The following TBC1D5 variants were observed in gnomAD, a reference collection of about 807,000 sequenced individuals.
TBC1D5 encodes TBC1 domain family member 5.
Under a neutral mutation model 100.3 loss-of-function variants are expected in TBC1D5, and 75 were observed. The observed-to-expected ratio is 0.75, with a 90% CI of 0.62 to 0.91. The LOEUF is 0.91. Ranked by LOEUF, TBC1D5 falls within the 40% of genes least tolerant of loss-of-function variation. The pLI is 0.00. For synonymous variants in TBC1D5, 323 were observed against 325.6 expected, an observed-to-expected ratio of 0.99 and a Z score of 0.09; for missense variants, 910 against 942.4, an observed-to-expected ratio of 0.97 and a Z score of 0.45.
chr3:17,591,863 A>G (rs1017203557), intron 2 of TBC1D5, among the ~76,000 whole-genome samples: 2 of 152,264 alleles, frequency 1.3e-5, no homozygotes, highest in African/African-American at 4.8e-5. Context: ...TACTGCCATC[A>G]TCAAGGACTT....
intron 18 of TBC1D5, among the ~76,000 whole-genome samples, chr3:17,205,317 T>C (rs2072020603): frequency 6.6e-6 from 1 of 152,186 alleles, no homozygotes; most frequent in Admixed American, 6.5e-5. Flanking sequence ...AGAAATCCAC[T>C]GAAGTCAATG....
At chr3:17,196,357 C>T (rs1028071202) in intron 18 of TBC1D5, among the ~76,000 whole-genome samples, 2 of 152,148 alleles carry the variant, frequency 1.3e-5, no homozygotes, top group African/African-American at 4.8e-5. Flanking sequence ...CTGGAAGGGA[C>T]TCTATTTTGT....
At chr3:17,453,147 ATGGGATACAGCAAAAGCAGTAG>A (rs1285430434) in intron 3 of TBC1D5, among the ~76,000 whole-genome samples, 14 of 151,746 alleles carry the variant, frequency 9.2e-5, no homozygotes, top group African/African-American at 3.4e-4. Context: ...ACCAAAACCT[ATGGGATACAGCAAAAGCAGTAG>A]TAAGAGGGAA....
At chr3:17,467,548 C>T (rs555889417) in intron 3 of TBC1D5, among the ~76,000 whole-genome samples, 2 of 151,940 alleles carry the variant, frequency 1.3e-5, no homozygotes, top group South Asian at 4.2e-4. Flanking sequence ...ATAATATAGA[C>T]ACAAAAAAGT....
chr3:17,487,653 A>C (rs1293287885), intron 3 of TBC1D5, among the ~76,000 whole-genome samples: 1 of 152,164 alleles, frequency 6.6e-6, no homozygotes, highest in African/African-American at 2.4e-5. Flanking sequence ...AATAATTTGT[A>C]ATTTCAAGAA....
chr3:17,303,170 T>C (rs918618398), intron 14 of TBC1D5, among the ~76,000 whole-genome samples: 4 of 152,346 alleles, frequency 2.6e-5, no homozygotes, highest in African/African-American at 9.6e-5. Context: ...CCTCTAAGCC[T>C]CACCCTCTCA....
intron 8 of TBC1D5, among the ~76,000 whole-genome samples, chr3:17,401,332 CATATATGTATAATATACATAT>C (rs1359562274): frequency 4.6e-4 from 6 of 12,976 alleles, no homozygotes; most frequent in South Asian, 4.1e-3. Flanking sequence ...GTATAATATA[CATATATGTATAATATACATAT>C]ATATGTATGT....
intron 3 of TBC1D5, among the ~76,000 whole-genome samples, chr3:17,455,356 ATATG>A (rs1402915829): frequency 2.1e-5 from 3 of 144,058 alleles, no homozygotes; most frequent in South Asian, 2.2e-4. Flanking sequence ...ATGTATATGT[ATATG>A]TGTGTATATA....
intron 18 of TBC1D5, among the ~76,000 whole-genome samples, chr3:17,195,677 C>T (rs1428045260): frequency 6.6e-6 from 1 of 151,780 alleles, no homozygotes; most frequent in East Asian, 1.9e-4. Flanking sequence ...AGCTGAGGAT[C>T]AAGTACAGTT....
intron 2 of TBC1D5, among the ~76,000 whole-genome samples, chr3:17,569,806 GTTTA>G (rs2096615515): frequency 6.6e-6 from 1 of 151,096 alleles, no homozygotes; most frequent in Non-Finnish European, 1.5e-5. Context: ...TGTTATAAAT[GTTTA>G]TTTAGCAATA....
intron 3 of TBC1D5, among the ~76,000 whole-genome samples, chr3:17,470,366 A>C (rs2095358652): frequency 1.3e-5 from 2 of 152,232 alleles, no homozygotes; most frequent in Non-Finnish European, 2.9e-5. Flanking sequence ...TCAAAGCATT[A>C]CCAATTTTTT....
rs953337370 is a variant in TBC1D5 at position 17,395,804 on chromosome 3, A to T, written c.509+7377T>A. ...TATTTTCATTAAAATACTGAAAAAA[A>T]TTTAAGTTTTTAAAAATCTCACAAA... On this transcript the variant is annotated intron_variant, in intron 8 of 21. Transcript: ENST00000253692. Among the ~76,000 whole-genome samples, 5 of 152,182 alleles carry T rather than the reference A, an allele frequency of 3.3e-5. No individual in the cohort carries two copies. The East Asian group carries it at 7.7e-4, about 23-fold the overall frequency.
At chr3:17,248,051 G>A (rs962802253) in intron 16 of TBC1D5, among the ~76,000 whole-genome samples, 5 of 151,140 alleles carry the variant, frequency 3.3e-5, no homozygotes, top group Non-Finnish European at 5.9e-5. Flanking sequence ...GAGTGTGGTG[G>A]TGCAATCTCT....
At chr3:17,669,650 G>A (rs915821482) in intron 1 of TBC1D5, among the ~76,000 whole-genome samples, 2 of 152,020 alleles carry the variant, frequency 1.3e-5, no homozygotes, top group Admixed American at 6.6e-5. Flanking sequence ...ATTAAAATAC[G>A]TTAATACATA....
chr3:17,621,577 G>C (rs1485099746), intron 2 of TBC1D5, among the ~76,000 whole-genome samples: 1 of 152,184 alleles, frequency 6.6e-6, no homozygotes, highest in Non-Finnish European at 1.5e-5. Flanking sequence ...AAAGCTGTTT[G>C]GTCTTCCCAA....
intron 2 of TBC1D5, among the ~76,000 whole-genome samples, chr3:17,562,426 A>G (rs2153477630): frequency 6.6e-6 from 1 of 152,110 alleles, no homozygotes; most frequent in East Asian, 1.9e-4. Context: ...CAAAATTATA[A>G]TTTGCACCTA....
chr3:17,553,266 T>C (rs2096488618), intron 2 of TBC1D5, among the ~76,000 whole-genome samples: 2 of 152,144 alleles, frequency 1.3e-5, no homozygotes, highest in African/African-American at 4.8e-5. Flanking sequence ...GCAATTCTTA[T>C]CTTTTAAAAT....
At chr3:17,680,835 G>A (rs2069350736) in intron 1 of TBC1D5, among the ~76,000 whole-genome samples, 1 of 150,836 alleles carries the variant, frequency 6.6e-6, no homozygotes, top group African/African-American at 2.5e-5. Flanking sequence ...TTTTTTGTTT[G>A]CAAACTCTAA....
intron 2 of TBC1D5, among the ~76,000 whole-genome samples, chr3:17,607,110 A>T (rs1057398788): frequency 6.6e-6 from 1 of 152,214 alleles, no homozygotes; most frequent in East Asian, 1.9e-4. Flanking sequence ...ATCTCATAGA[A>T]TAAAGATGAT....
Sources: allele counts gnomAD v4.1 joint callset (sites outside exome capture counted in the v4.1 genomes callset), GRCh38; gene constraint gnomAD v4.1.1; transcripts MANE v1.5; gene names NCBI Gene and HGNC (gene_info 2026-07-23, HGNC 2026-07-21).